HOXC5: variants seen among roughly 807,000 people sequenced by gnomAD.
HOXC5 encodes the protein homeobox C5.
In HOXC5, 19 loss-of-function variants were observed where a neutral mutation model predicts 20.1. The observed-to-expected ratio is 0.94, with a 90% CI of 0.66 to 1.38. HOXC5 has a LOEUF of 1.38. Among genes scored for constraint, HOXC5 ranks in the 40% most tolerant of loss-of-function variants. The probability of loss-of-function intolerance (pLI) is 0.00; values close to 1 mark genes in which losing one functional copy is unlikely to be tolerated. For missense variants in HOXC5, 330 were observed against 300.1 expected, an observed-to-expected ratio of 1.10 and a Z score of -0.74; for synonymous variants, 124 against 117.0, an observed-to-expected ratio of 1.06 and a Z score of -0.39.
At chr12:54,027,015 C>G in the HOXC5 span, among the ~76,000 whole-genome samples, 3 of 152,022 alleles carry the variant, frequency 2.0e-5, no homozygotes, top group Non-Finnish European at 4.4e-5. Flanking sequence ...TCCCCACCAC[C>G]CTTCTTTGTC....
chr12:54,030,598 A>T (rs1476971714), upstream of HOXC5: 7 of 152,630 alleles, frequency 4.6e-5, no homozygotes, highest in Admixed American at 4.6e-4. Flanking sequence ...TGGTCTCTGT[A>T]TTTATATTTA....
intron 1 of HOXC5, 192 bp from the exon 2 acceptor site, chr12:54,034,086 G>C (rs1941104364): frequency 1.4e-6 from 1 of 718,090 alleles, no homozygotes. Flanking sequence ...GCGGTGGAAA[G>C]TTTCCTGCCT....
chr12:54,029,565 G>A (rs1359171413), upstream of HOXC5: 12 of 1,385,576 alleles, frequency 8.7e-6, no homozygotes, highest in Non-Finnish European at 1.2e-5. Flanking sequence ...TGCTGGCCAG[G>A]TTGGGAGGGT....
chr12:54,032,826 TTC>T (rs371880329), upstream of HOXC5: 1 of 154,688 alleles, frequency 6.5e-6, no homozygotes, highest in Admixed American at 6.8e-5. Context: ...CCTTCCCTCT[TTC>T]TCTCTCTCAC....
At chr12:54,026,004 A>G in the HOXC5 span, among the ~76,000 whole-genome samples, 1 of 152,170 alleles carries the variant, frequency 6.6e-6, no homozygotes, top group Non-Finnish European at 1.5e-5. Context: ...TGAAAGTGAA[A>G]CCTCATTAAG....
chr12:54,028,248 T>G, upstream of HOXC5: 1 of 127,548 alleles, frequency 7.8e-6, no homozygotes, highest in Non-Finnish European at 1.5e-5. Context: ...TTCCCTTACA[T>G]ATATATATAT....
In HOXC5 at chr12:54,034,727, CG is replaced by C; in HGVS notation, c.*239del. 1 of 526,392 alleles carries C rather than the reference CG, an allele frequency of 1.9e-6. No individual in the cohort carries two copies. The highest frequency in any genetic ancestry group is 3.3e-5 in the East Asian group (1 of 30,376). The allele number at this position is 526,392 out of a possible 1,614,324, so 32.6% of individuals were successfully genotyped here. A position where few individuals can be genotyped will look rare whatever the true frequency, so the allele number is the denominator to read the frequency against. On this transcript the variant is annotated 3_prime_UTR_variant, in exon 2 of 2. Coordinates refer to ENST00000312492, the MANE Select transcript of HOXC5 (RefSeq NM_018953.4). Reference sequence around the variant, plus strand: ...CCTCAGCTCGGCTCAGCTCGGTACCCGGGGCCCAGGGCAAGCTCCGCAGGAC... The same window carrying C: ...CCTCAGCTCGGCTCAGCTCGGTACCCGGGCCCAGGGCAAGCTCCGCAGGAC...
rs1193005031 is a variant in HOXC5 at position 54,034,783 on chromosome 12, G to A, written c.*291G>A. On this transcript the variant is annotated 3_prime_UTR_variant, in exon 2 of 2. Transcript: ENST00000312492. ...CCGGAGGGCTGCGGCGTACAGGCTG[G>A]CGCAGAACGAACCTTGGCCTGGGCC... The A allele has an allele frequency of 8.8e-5, 37 of 418,252 alleles. 2 individuals carry two copies. The highest frequency in any genetic ancestry group is 6.5e-4 in the South Asian group (28 of 42,924). The allele number at this position is 418,252 out of a possible 1,614,324, so 25.9% of individuals were successfully genotyped here.
chr12:54,032,413 A>G (rs1941019694), upstream of HOXC5, among the ~76,000 whole-genome samples: 1 of 152,248 alleles, frequency 6.6e-6, no homozygotes. Flanking sequence ...TTAGGGCCTG[A>G]GAGGCAAGGG....
chr12:54,017,414 GGTAA>G, the HOXC5 span: 3 of 151,982 alleles, frequency 2.0e-5, no homozygotes, highest in African/African-American at 4.8e-5. Flanking sequence ...AGCAGCGCTC[GGTAA>G]GTGTTTCCTT....
the HOXC5 span, among the ~76,000 whole-genome samples, chr12:54,018,264 G>A: frequency 2.6e-5 from 4 of 152,188 alleles, no homozygotes; most frequent in Non-Finnish European, 5.9e-5. Context: ...CCCCAGCCGC[G>A]GCCATCCCAG....
the HOXC5 span, among the ~76,000 whole-genome samples, chr12:54,018,834 C>T: frequency 6.6e-6 from 1 of 152,124 alleles, no homozygotes; most frequent in Admixed American, 6.5e-5. Context: ...GCCAAGACAC[C>T]CCCTCTACCC....
the HOXC5 span, among the ~76,000 whole-genome samples, chr12:54,025,488 A>T: frequency 2.7e-5 from 4 of 146,198 alleles, no homozygotes; most frequent in Non-Finnish European, 6.0e-5. Context: ...TCTAAGAGAA[A>T]GAAGAGGGCT....
the HOXC5 span, chr12:54,022,542 T>G: frequency 6.6e-6 from 1 of 152,188 alleles, no homozygotes; most frequent in South Asian, 2.1e-4. Flanking sequence ...CCAGCACAGA[T>G]TAAATGGTTC....
chr12:54,034,192 G>C, intron 1 of HOXC5, 86 bp from the exon 2 acceptor site: 4 of 1,288,510 alleles, frequency 3.1e-6, no homozygotes, highest in Non-Finnish European at 4.5e-6. Context: ...CTCCGGCCGC[G>C]GGTGGGGGCC....
In HOXC5 at chr12:54,033,384, A is replaced by G. The variant is rs757164977; in HGVS notation, c.262A>G (p.Arg88Gly). 18 of 1,612,914 alleles carry G rather than the reference A, an allele frequency of 1.1e-5. 1 individual carries two copies. In the South Asian group the frequency reaches 1.8e-4, roughly 16 times the overall value. Residue 88 changes from arginine (R) to glycine (G), a missense_variant, in exon 1 of 2, where the codon AGA becomes GGA. By Grantham distance (125) the Arg-to-Gly change is moderately radical (BLOSUM62 -2). Transcript: ENST00000312492. Reference protein sequence around the residue: ...AAAAPGHAPGRDEAAPLNPGM... With the variant: ...AAAAPGHAPGGDEAAPLNPGM... Reference sequence around the variant, plus strand: ...GGCCGCTCCGGGACACGCTCCGGGCAGAGACGAAGCGGCTCCTCTGAACCC... The same window carrying G: ...GGCCGCTCCGGGACACGCTCCGGGCGGAGACGAAGCGGCTCCTCTGAACCC...
upstream of HOXC5, chr12:54,028,360 C>T (rs1484060250): frequency 4.4e-6 from 3 of 683,534 alleles, no homozygotes; most frequent in African/African-American, 3.6e-5. Context: ...TTTCCCCCTT[C>T]CTGACATCTG....
At chr12:54,033,638 G>A (rs953011626) in intron 1 of HOXC5, 62 bp downstream of exon 1, 3 of 1,352,164 alleles carry the variant, frequency 2.2e-6, no homozygotes, top group African/African-American at 1.5e-5. Context: ...GCCATGCGGG[G>A]CAAATAAAGA....
upstream of HOXC5, chr12:54,029,831 C>G: frequency 6.2e-7 from 1 of 1,613,822 alleles, no homozygotes; most frequent in Non-Finnish European, 8.5e-7. Context: ...CCAGAACCGC[C>G]GGATGAAGTG....
Sources: allele counts gnomAD v4.1 joint callset (sites outside exome capture counted in the v4.1 genomes callset), GRCh38; gene constraint gnomAD v4.1.1; transcripts MANE v1.5; gene names NCBI Gene and HGNC (gene_info 2026-07-23, HGNC 2026-07-21).